The following NTNG1 variants were observed in gnomAD, a reference collection of about 807,000 sequenced individuals.
NTNG1 encodes netrin G1, also known as netrin-G1.
Under a neutral mutation model 54.0 loss-of-function variants are expected in NTNG1, and 16 were observed. That is an observed-to-expected ratio of 0.30 (90% CI 0.20 to 0.45). NTNG1 has a LOEUF of 0.45. NTNG1 is among the 20% of genes least tolerant of loss of function. NTNG1 has a pLI of 1.00. For synonymous variants in NTNG1, 255 were observed against 263.1 expected (o/e 0.97, Z 0.30); for missense variants, 530 against 678.7 (o/e 0.78, Z 2.43).
At chr1:107,307,369 G>A (rs1458787385) in intron 2 of NTNG1, among the ~76,000 whole-genome samples, 1 of 152,148 alleles carries the variant, frequency 6.6e-6, no homozygotes, top group East Asian at 1.9e-4. Context: ...TCATACATAA[G>A]AATAGCAATG....
chr1:107,255,017 A>G (rs556721271), intron 2 of NTNG1, among the ~76,000 whole-genome samples: 6 of 152,310 alleles, frequency 3.9e-5, no homozygotes, highest in South Asian at 2.1e-4. Flanking sequence ...CTACAACACA[A>G]TTACACAAAA....
chr1:107,272,638 C>T (rs539990099), intron 2 of NTNG1, among the ~76,000 whole-genome samples: 38 of 152,212 alleles, frequency 2.5e-4, no homozygotes, highest in African/African-American at 8.9e-4. Context: ...CAGAAGCAGC[C>T]GTCAACCCCC....
chr1:107,141,691 C>CG (rs1653731484), intron 1 of NTNG1, among the ~76,000 whole-genome samples: 1 of 152,018 alleles, frequency 6.6e-6, no homozygotes, highest in Non-Finnish European at 1.5e-5. Context: ...CAAGTCTTCC[C>CG]GGGGGTGCGC....
chr1:107,310,856 A>G (rs905386682), intron 2 of NTNG1, among the ~76,000 whole-genome samples: 1 of 152,046 alleles, frequency 6.6e-6, no homozygotes. Flanking sequence ...TTCAGTTCTG[A>G]GGGCCTTCTT....
chr1:107,413,158 T>C (rs1673948446), intron 5 of NTNG1, among the ~76,000 whole-genome samples: 2 of 1,454 alleles, frequency 1.4e-3, no homozygotes, highest in South Asian at 0.045. Context: ...TTTTGTTCAT[T>C]TTTTTTTTCA....
chr1:107,323,175 G>A (rs1667749377), intron 2 of NTNG1, among the ~76,000 whole-genome samples: 1 of 151,288 alleles, frequency 6.6e-6, no homozygotes, highest in African/African-American at 2.4e-5. Context: ...GACAATGTCC[G>A]AGGATCAATT....
intron 2 of NTNG1, among the ~76,000 whole-genome samples, chr1:107,231,296 A>G (rs1661049075): frequency 6.6e-6 from 1 of 152,166 alleles, no homozygotes; most frequent in Non-Finnish European, 1.5e-5. Flanking sequence ...TCAGTACTGG[A>G]TCGCTTCTCA....
chr1:107,480,569 T>TACCCCCCCCCC, intron 7 of NTNG1, 42 bp from the exon 8 acceptor site: 5 of 609,594 alleles, frequency 8.2e-6, no homozygotes, highest in East Asian at 5.6e-5. Flanking sequence ...CTGCTTCTCC[T>TACCCCCCCCCC]CCCCGCGCCC....
At chr1:107,288,553 C>T (rs552625640) in intron 2 of NTNG1, among the ~76,000 whole-genome samples, 2 of 151,874 alleles carry the variant, frequency 1.3e-5, no homozygotes, top group Middle Eastern at 3.4e-3. Context: ...TAGAGGTGTT[C>T]TAAGAGTTGT....
chr1:107,479,153 T>A (rs545256538), intron 7 of NTNG1, among the ~76,000 whole-genome samples: 4 of 152,246 alleles, frequency 2.6e-5, no homozygotes, highest in African/African-American at 9.6e-5. Context: ...GTGTTAGAGG[T>A]CACCAAGGAA....
At chr1:107,326,256 T>G (rs1667947002) in intron 3 of NTNG1, among the ~76,000 whole-genome samples, 1 of 152,112 alleles carries the variant, frequency 6.6e-6, no homozygotes, top group African/African-American at 2.4e-5. Flanking sequence ...TCTGCGAAGC[T>G]TTTCCTAAAA....
intron 2 of NTNG1, among the ~76,000 whole-genome samples, chr1:107,242,916 A>G (rs1248188494): frequency 6.6e-6 from 1 of 152,222 alleles, no homozygotes; most frequent in Non-Finnish European, 1.5e-5. Flanking sequence ...CTTATTTGAG[A>G]AGAAATAATT....
chr1:107,252,738 T>C (rs1192521229), intron 2 of NTNG1, among the ~76,000 whole-genome samples: 1 of 152,192 alleles, frequency 6.6e-6, no homozygotes, highest in Non-Finnish European at 1.5e-5. Context: ...TCTTAGGAAG[T>C]AGTATTTTAC....
In NTNG1 at chr1:107,436,752, A is replaced by C. The variant is rs1041675367; in HGVS notation, c.1343A>C (p.Lys448Thr). 8 of 1,613,380 alleles carry C rather than the reference A, an allele frequency of 5.0e-6. No individual in the cohort carries two copies. The African/African-American group carries it at 9.3e-5, about 19-fold the overall frequency. The change falls in exon 7 of 8, where the codon AAG (lysine) becomes ACG (threonine). Residue 448 changes from lysine to threonine, a missense_variant. Lys to Thr is a moderately conservative substitution (Grantham distance 78). Around this residue, in one of 2 missense-constraint regions of NTNG1, gnomAD observed 212 missense variants for 213.6 expected, o/e 0.99. Coordinates refer to ENST00000370068, the MANE Select transcript of NTNG1 (RefSeq NM_001113226.3). ...CECKTGTTGPKCDECLPGNSW... is the reference protein window; with the variant it reads ...CECKTGTTGPTCDECLPGNSW... The stretch of plus-strand genomic sequence containing the variant: ...TGTAAGACTGGAACAACAGGGCCTA[A>C]GTGTGATGAGTGTCTGCCGGGAAAT...
chr1:107,405,298 C>T (rs192986336), intron 4 of NTNG1, among the ~76,000 whole-genome samples: 28 of 152,196 alleles, frequency 1.8e-4, no homozygotes, highest in Middle Eastern at 3.4e-3. Flanking sequence ...TTCAAATGAG[C>T]AGTTTAAAAA....
At chr1:107,477,683 A>G (rs1478860574) in intron 7 of NTNG1, among the ~76,000 whole-genome samples, 2 of 151,640 alleles carry the variant, frequency 1.3e-5, no homozygotes, top group Admixed American at 1.3e-4. Flanking sequence ...TATTTATACT[A>G]TCATGTGAGT....
Position 107,148,789 on chromosome 1 carries a change from G to T in NTNG1, c.196G>T (p.Asp66Tyr), listed in dbSNP as rs779233583. The change falls in exon 2 of 8, where the codon GAT becomes TAT. Residue 66 changes from aspartate to tyrosine, a missense_variant. This residue lies in a region of NTNG1 where 318 missense variants were observed against 465.1 expected (regional missense o/e 0.68). Transcript: ENST00000370068. ...DMTKYLKVKL[D>Y]PPDITCGDPP... ...GACAAAATATCTGAAAGTGAAACTC[G>T]ATCCTCCGGATATTACCTGTGGAGA... is the stretch of plus-strand genomic sequence containing the variant. 6.2e-7 allele frequency: 1 copy of T among 1,613,660 alleles called. No individual in the cohort carries two copies. Among genetic ancestry groups the T allele is most frequent in the Non-Finnish European group, 8.5e-7 (1 of 1,179,638 alleles).
At chr1:107,214,122 GTATT>G (rs1659783880) in intron 2 of NTNG1, among the ~76,000 whole-genome samples, 1 of 151,812 alleles carries the variant, frequency 6.6e-6, no homozygotes, top group Non-Finnish European at 1.5e-5. Context: ...AATTTTTAAT[GTATT>G]TATTTTTTAT....
Position 107,343,228 on chromosome 1 carries a change from C to T in NTNG1, c.887+18306C>T, listed in dbSNP as rs145209084. Among the ~76,000 whole-genome samples the T allele has an allele frequency of 3.2e-3, 492 of 152,214 alleles. 2 individuals are homozygous for T. The highest frequency in any genetic ancestry group is 3.7e-3 in the Non-Finnish European group (253 of 67,996). ...TCCAATGTCACGCTCCACTTTTTGGCAAAGAAGGGAATGTTCCTTAATCCT... is the reference window on the plus strand; with the variant it reads ...TCCAATGTCACGCTCCACTTTTTGGTAAAGAAGGGAATGTTCCTTAATCCT... On this transcript the variant is annotated intron_variant, in intron 3 of 7. Coordinates refer to ENST00000370068, the MANE Select transcript of NTNG1 (RefSeq NM_001113226.3).
Sources: gnomAD v4.1 joint callset for allele counts (sites outside exome capture counted in the v4.1 genomes callset) on GRCh38, gnomAD v4.1.1 for gene constraint, gnomAD v4.1.1 regional missense constraint, MANE v1.5 for transcripts, NCBI Gene and HGNC (gene_info 2026-07-23, HGNC 2026-07-21) for gene names.